Variants in PARD3 observed in about 807,000 individuals in gnomAD.
PARD3 encodes par-3 family cell polarity regulator, also known as partitioning defective 3 homolog.
In PARD3, 75 loss-of-function variants were observed where a neutral mutation model predicts 155.4. The observed-to-expected ratio is 0.48, with a 90% CI of 0.40 to 0.58. PARD3 has a LOEUF of 0.58. Among genes scored for constraint, PARD3 ranks in the 20% least tolerant of loss-of-function variants. The pLI, the probability that PARD3 is intolerant of heterozygous loss-of-function variation, is 0.00. For missense variants in PARD3, 1,642 were observed against 1,721.7 expected (o/e 0.95, Z 0.82); for synonymous variants, 576 against 610.5 (o/e 0.94, Z 0.83).
At chr10:34,644,136 T>C (rs2249715) in intron 2 of PARD3, among the ~76,000 whole-genome samples, 2 of 151,914 alleles carry the variant, frequency 1.3e-5, no homozygotes, top group African/African-American at 2.4e-5. Context: ...CAGAAGAGAC[T>C]AGAAACAAAA....
At chr10:34,560,399 T>C (rs2085369895) in intron 2 of PARD3, among the ~76,000 whole-genome samples, 1 of 152,176 alleles carries the variant, frequency 6.6e-6, no homozygotes, top group Non-Finnish European at 1.5e-5. Context: ...TGTATATACA[T>C]CAATTCTCAT....
intron 20 of PARD3, among the ~76,000 whole-genome samples, chr10:34,295,794 C>G (rs764522160): frequency 6.6e-6 from 1 of 152,012 alleles, no homozygotes; most frequent in Non-Finnish European, 1.5e-5. Context: ...CAAAGGAGTT[C>G]AGAGACTCTA....
chr10:34,304,912 C>G (rs2134046403), intron 20 of PARD3, among the ~76,000 whole-genome samples: 1 of 152,272 alleles, frequency 6.6e-6, no homozygotes, highest in Admixed American at 6.5e-5. Flanking sequence ...AACATACCAC[C>G]TGACAAAATC....
Position 34,331,220 on chromosome 10 carries a change from C to T in PARD3, c.2730G>A (p.Pro910=), listed in dbSNP as rs755162348. The T allele has an allele frequency of 8.9e-5, 144 of 1,613,878 alleles. No homozygotes were observed. The highest frequency in any genetic ancestry group is 1.1e-4 in the Non-Finnish European group (128 of 1,179,990). Residue 910 remains proline, a synonymous_variant, in exon 19 of 25, where the codon CCG becomes CCA. Transcript: ENST00000374788. ...NGDIPFHRPR[P]RIIRGRGCNE... ...TGCATCCCCTGCCTCTGATTATCCG[C>T]GGCCGTGGACGATGGAAAGGAATAT... is the stretch of plus-strand genomic sequence containing the variant.
intron 22 of PARD3, among the ~76,000 whole-genome samples, chr10:34,203,659 T>C (rs1951325076): frequency 6.6e-6 from 1 of 152,238 alleles, no homozygotes; most frequent in African/African-American, 2.4e-5. Context: ...TCTGAACATG[T>C]TCAGTGGAGA....
chr10:34,339,817 T>C (rs1836607668), intron 16 of PARD3, among the ~76,000 whole-genome samples: 2 of 152,186 alleles, frequency 1.3e-5, no homozygotes, highest in African/African-American at 4.8e-5. Flanking sequence ...TCCCTATCAA[T>C]ATTCCCACTA....
chr10:34,194,578 G>A (rs1222327025), intron 22 of PARD3, among the ~76,000 whole-genome samples: 3 of 148,034 alleles, frequency 2.0e-5, no homozygotes, highest in Non-Finnish European at 4.5e-5. Context: ...AATAACTCAA[G>A]ACATCACTAT....
chr10:34,254,174 G>A (rs941457299), intron 22 of PARD3, among the ~76,000 whole-genome samples: 33 of 152,166 alleles, frequency 2.2e-4, no homozygotes, highest in Admixed American at 8.5e-4. Flanking sequence ...AAGATCAGGC[G>A]TTCGAGACCA....
At chr10:34,435,194 G>GAA (rs537773241) in intron 5 of PARD3, among the ~76,000 whole-genome samples, 1 of 150,484 alleles carries the variant, frequency 6.6e-6, no homozygotes, top group Non-Finnish European at 1.5e-5. Flanking sequence ...CAAATAACAG[G>GAA]AAAAAAAAAG....
rs948050241 is a variant in PARD3, at chr10:34,344,670, C to T, written c.2219-2854G>A. On this transcript the variant is annotated intron_variant, in intron 15 of 24. Transcript: ENST00000374788. Reference sequence around the variant, plus strand: ...TTTCAAAGGAAGAATCCTATGTAGGCAGCCCCACTACAGGTTACTTTCTGA... The same window carrying T: ...TTTCAAAGGAAGAATCCTATGTAGGTAGCCCCACTACAGGTTACTTTCTGA... 7 of 985,242 alleles carry T rather than the reference C, an allele frequency of 7.1e-6. No homozygotes were observed. In the African/African-American group the frequency reaches 1.2e-4, roughly 17 times the overall value. 61.0% of individuals were successfully genotyped at this position (985,242 alleles called of 1,614,324 possible).
At chr10:34,241,932 T>A (rs1464117501) in intron 22 of PARD3, among the ~76,000 whole-genome samples, 1 of 152,032 alleles carries the variant, frequency 6.6e-6, no homozygotes, top group African/African-American at 2.4e-5. Context: ...TAACTATCTG[T>A]ATTGTGCATA....
chr10:34,510,304 C>T (rs1055816453), intron 3 of PARD3, among the ~76,000 whole-genome samples: 9 of 152,118 alleles, frequency 5.9e-5, no homozygotes, highest in African/African-American at 2.2e-4. Context: ...AAAAGCATTC[C>T]CACTCCTCAG....
chr10:34,597,476 G>T (rs746692369), intron 2 of PARD3, among the ~76,000 whole-genome samples: 7 of 151,816 alleles, frequency 4.6e-5, no homozygotes, highest in Non-Finnish European at 8.8e-5. Context: ...CACCCAGGCT[G>T]GAGTAGGAGT....
chr10:34,325,699 G>T (rs551126352), intron 19 of PARD3, among the ~76,000 whole-genome samples: 1 of 152,220 alleles, frequency 6.6e-6, no homozygotes, highest in Admixed American at 6.5e-5. Context: ...TAGTTTTAGC[G>T]CAATGGGCTT....
chr10:34,352,914 G>A (rs146421924), intron 14 of PARD3, among the ~76,000 whole-genome samples: 10,195 of 151,388 alleles, frequency 0.067, 459 homozygotes, highest in Non-Finnish European at 0.096. Flanking sequence ...GTCTCTGCCC[G>A]GCCGCCCATC....
intron 2 of PARD3, among the ~76,000 whole-genome samples, chr10:34,682,810 G>C (rs552581423): frequency 1.3e-5 from 2 of 152,270 alleles, no homozygotes; most frequent in Admixed American, 1.3e-4. Flanking sequence ...CCAGGAGACA[G>C]AGGTTGCAGA....
chr10:34,758,892 A>C (rs1333965452), intron 1 of PARD3, among the ~76,000 whole-genome samples: 1 of 152,220 alleles, frequency 6.6e-6, no homozygotes, highest in Non-Finnish European at 1.5e-5. Flanking sequence ...TGTGACTGAA[A>C]CGGCTAAATT....
chr10:34,111,744 C>T (rs1946394617), intron 24 of PARD3, among the ~76,000 whole-genome samples, 182 bp from the exon 25 acceptor site: 1 of 152,210 alleles, frequency 6.6e-6, no homozygotes, highest in Non-Finnish European at 1.5e-5. Context: ...TCAGCAAGCG[C>T]ATAGTCTTAG....
chr10:34,591,169 C>T (rs976055910), intron 2 of PARD3, among the ~76,000 whole-genome samples: 4 of 152,100 alleles, frequency 2.6e-5, no homozygotes, highest in Non-Finnish European at 5.9e-5. Context: ...CACTCCACAT[C>T]GTTCATCCAC....
Sources: allele counts gnomAD v4.1 joint callset (sites outside exome capture counted in the v4.1 genomes callset), GRCh38; gene constraint gnomAD v4.1.1; transcripts MANE v1.5; gene names NCBI Gene and HGNC (gene_info 2026-07-23, HGNC 2026-07-21).